Variants in NECTIN4 observed in about 807,000 individuals in gnomAD.
NECTIN4 encodes nectin-4.
A neutral mutation model predicts 51.7 loss-of-function variants in NECTIN4; 19 were observed. The observed-to-expected ratio is 0.37, with a 90% confidence interval of 0.26 to 0.54. The LOEUF is 0.54. NECTIN4 is among the 20% of genes least tolerant of loss of function. The pLI is 0.86. For synonymous variants in NECTIN4, 283 were observed against 286.9 expected, an observed-to-expected ratio of 0.99 and a Z score of 0.14; for missense variants, 619 against 662.4, an observed-to-expected ratio of 0.93 and a Z score of 0.72.
At chr1:161,077,414 A>G (rs1030733812) in intron 3 of NECTIN4, 39 bp downstream of exon 3, 4 of 1,611,258 alleles carry the variant, frequency 2.5e-6, no homozygotes, top group Non-Finnish European at 3.4e-6. Flanking sequence ...TCTGCTGAGA[A>G]CCCCTTGGGC....
intron 4 of NECTIN4, among the ~76,000 whole-genome samples, chr1:161,075,667 G>A (rs2101660270): frequency 6.6e-6 from 1 of 152,294 alleles, no homozygotes; most frequent in South Asian, 2.1e-4. Flanking sequence ...AGCTACTTGG[G>A]AGGCTGAGGC....
chr1:161,088,926 G>A (rs571316253), intron 1 of NECTIN4, among the ~76,000 whole-genome samples: 16 of 152,190 alleles, frequency 1.1e-4, no homozygotes, highest in East Asian at 9.7e-4. Flanking sequence ...GGGTCACCAC[G>A]TCTATTCCCC....
At chr1:161,078,481 T>G (rs1653518861) in intron 2 of NECTIN4, among the ~76,000 whole-genome samples, 1 of 151,820 alleles carries the variant, frequency 6.6e-6, no homozygotes, top group South Asian at 2.1e-4. Flanking sequence ...CTGATTTTTG[T>G]ATTTTTAGTA....
chr1:161,072,495 G>A lies in NECTIN4; in HGVS notation c.*166C>T. 1 of 675,878 alleles carries A rather than the reference G, an allele frequency of 1.5e-6. No homozygotes were observed. The highest frequency in any genetic ancestry group is 2.1e-5 in the Admixed American group (1 of 47,674). 41.9% of individuals were successfully genotyped at this position (675,878 alleles called of 1,614,324 possible). A position where few individuals can be genotyped will look rare whatever the true frequency, so the allele number is the denominator to read the frequency against. On this transcript the variant is annotated 3_prime_UTR_variant, in exon 9 of 9. Coordinates refer to ENST00000368012, the MANE Select transcript of NECTIN4 (RefSeq NM_030916.3). ...CATGGTGGGAGAGACTCAATTGGTG[G>A]AGCCCTCCCGATGAACAGAAGGGTT...
intron 8 of NECTIN4, 77 bp downstream of exon 8, chr1:161,073,148 G>A: frequency 7.7e-7 from 1 of 1,304,386 alleles, no homozygotes; most frequent in Non-Finnish European, 1.1e-6. Context: ...TAAGGGGGCT[G>A]CTGACGCACC....
chr1:161,083,267 C>T (rs1653780766), intron 1 of NECTIN4, among the ~76,000 whole-genome samples: 1 of 152,190 alleles, frequency 6.6e-6, no homozygotes. Flanking sequence ...CAGCTGCATA[C>T]CCCCCTACCA....
Position 161,077,511 on chromosome 1 carries a change from C to G in NECTIN4, c.672G>C (p.Val224=). The change falls in exon 3 of 9, where the codon GTG becomes GTC. Residue 224 remains valine, a synonymous_variant. Coordinates refer to ENST00000368012, the MANE Select transcript of NECTIN4 (RefSeq NM_030916.3). ...RSMNGQPLTC[V]VSHPGLLQDQ... Reference sequence around the variant, plus strand: ...CCTGGAGCAGGCCAGGATGGGACACCACACAAGTCAGTGGCTGCCCATTCA... The same window carrying G: ...CCTGGAGCAGGCCAGGATGGGACACGACACAAGTCAGTGGCTGCCCATTCA... 1 of 1,614,108 alleles carries G rather than the reference C, an allele frequency of 6.2e-7. No individual in the cohort carries two copies. Among genetic ancestry groups the G allele is most frequent in the Non-Finnish European group, 8.5e-7 (1 of 1,180,030 alleles).
intron 8 of NECTIN4, 30 bp from the exon 9 acceptor site, chr1:161,072,915 G>C: frequency 6.3e-7 from 1 of 1,588,370 alleles, no homozygotes; most frequent in Non-Finnish European, 8.6e-7. Flanking sequence ...GGCAAGTCAG[G>C]AACAAAGGCA....
At chr1:161,080,692 G>A (rs1038646186) in intron 1 of NECTIN4, among the ~76,000 whole-genome samples, 9 of 152,178 alleles carry the variant, frequency 5.9e-5, no homozygotes, top group South Asian at 2.1e-4. Flanking sequence ...CACAACAACC[G>A]GGTCAGAATT....
At position 161,089,259 on chromosome 1, in the gene NECTIN4, T is replaced by A. The variant is rs1345104139; in HGVS notation, c.38A>T (p.Glu13Val). The change falls in exon 1 of 9, where the codon GAG becomes GTG. Residue 13 changes from glutamate (E) to valine (V), a missense_variant. Around this residue, in one of 3 missense-constraint regions of NECTIN4, gnomAD observed 218 missense variants for 186.3 expected, o/e 1.17. Coordinates refer to ENST00000368012, the MANE Select transcript of NECTIN4 (RefSeq NM_030916.3). This position sits in a 1 kb window ranked among gnomAD's most constrained non-coding sequence, Gnocchi z 4.1. ...LSLGAEMWGPEAWLLLLLLLA... is the reference protein window; with the variant it reads ...LSLGAEMWGPVAWLLLLLLLA... ...CAGTAGCAGCAGCAGCAGCCAGGCC[T>A]CAGGCCCCCACATCTCGGCTCCCAG... The A allele has an allele frequency of 1.2e-6, 2 of 1,611,892 alleles. No individual in the cohort carries two copies.
intron 1 of NECTIN4, among the ~76,000 whole-genome samples, chr1:161,082,345 T>C (rs1653720326): frequency 6.6e-6 from 1 of 150,924 alleles, no homozygotes; most frequent in South Asian, 2.1e-4. Context: ...CCAAAAAAAA[T>C]GAGGAGGAAC....
chr1:161,078,709 G>C (rs1474796996), intron 2 of NECTIN4, among the ~76,000 whole-genome samples: 2 of 151,912 alleles, frequency 1.3e-5, no homozygotes, highest in Non-Finnish European at 2.9e-5. Flanking sequence ...AATATAAAGT[G>C]ATGGTTTAAA....
At chr1:161,081,721 T>A (rs543179608) in intron 1 of NECTIN4, among the ~76,000 whole-genome samples, 1 of 152,250 alleles carries the variant, frequency 6.6e-6, no homozygotes, top group Admixed American at 6.5e-5. Flanking sequence ...CTGCCTGGAA[T>A]GCCCTCCTCC....
In NECTIN4 at chr1:161,071,535, T is replaced by C. The variant is rs1034739613; in HGVS notation, c.*1126A>G. 6.6e-6 allele frequency: 1 copy of C among 152,178 alleles called. No homozygotes were observed. Among genetic ancestry groups the C allele is most frequent in the African/African-American group, 2.4e-5 (1 of 41,430 alleles). The allele number at this position is 152,178 out of a possible 1,614,324, so 9.4% of individuals were successfully genotyped here. ...GAGGCTCACATCCCTAATTTCAGAC[T>C]CTACCAGCTCTCAGGTGCCCTCCCA... On this transcript the variant is annotated 3_prime_UTR_variant, in exon 9 of 9. Transcript: ENST00000368012.
At chr1:161,086,417 G>A (rs1398997115) in intron 1 of NECTIN4, among the ~76,000 whole-genome samples, 1 of 152,190 alleles carries the variant, frequency 6.6e-6, no homozygotes, top group Admixed American at 6.5e-5. Context: ...GCCCCCCTCT[G>A]TAAACAGGAG....
Position 161,072,177 on chromosome 1 carries a change from T to C in NECTIN4, c.*484A>G. 1 of 246,636 alleles carries C rather than the reference T, an allele frequency of 4.1e-6. No individual in the cohort carries two copies. Among genetic ancestry groups the C allele is most frequent in the Non-Finnish European group, 8.1e-6 (1 of 122,982 alleles). 15.3% of individuals were successfully genotyped at this position (246,636 alleles called of 1,614,324 possible). A position where few individuals can be genotyped will look rare whatever the true frequency, so the allele number is the denominator to read the frequency against. Reference sequence around the variant, plus strand: ...CTGGGTCTGAGCCACAGTCTCCACCTCTCTCCTCCAACCTCTGCATCATTA... The same window carrying C: ...CTGGGTCTGAGCCACAGTCTCCACCCCTCTCCTCCAACCTCTGCATCATTA... On this transcript the variant is annotated 3_prime_UTR_variant, in exon 9 of 9. Transcript: ENST00000368012.
rs1448588295 is a variant in NECTIN4 at position 161,072,898 on chromosome 1, G to A, written c.1309-13C>T. On this transcript the variant is annotated splice_polypyrimidine_tract_variant and intron_variant, in intron 8 of 8. Coordinates refer to ENST00000368012, the MANE Select transcript of NECTIN4 (RefSeq NM_030916.3). ...CGGGCTCTTCACTCTGGAGACCAAG[G>A]GCAAAGGGCAAGTCAGGAACAAAGG... 6.2e-7 allele frequency: 1 copy of A among 1,604,060 alleles called. No homozygotes were observed.
At position 161,074,246 on chromosome 1, in the gene NECTIN4, C is replaced by T; in HGVS notation, c.1128G>A (p.Arg376=). Residue 376 remains arginine, a synonymous_variant, in exon 6 of 9, where the codon CGG becomes CGA. Coordinates refer to ENST00000368012, the MANE Select transcript of NECTIN4 (RefSeq NM_030916.3). ...VVVVLMSRYH[R]RKAQQMTQKY... ...TCTGGGTCATCTGCTGGGCCTTGCGCCGATGGTATCGGGACATGAGCACCA... is the reference window on the plus strand; with the variant it reads ...TCTGGGTCATCTGCTGGGCCTTGCGTCGATGGTATCGGGACATGAGCACCA... 2 of 1,614,120 alleles carry T rather than the reference C, an allele frequency of 1.2e-6. No individual in the cohort carries two copies. The highest frequency in any genetic ancestry group is 1.7e-6 in the Non-Finnish European group (2 of 1,180,016).
At chr1:161,076,239 C>A (rs1653407993) in intron 4 of NECTIN4, 116 bp downstream of exon 4, 3 of 1,160,742 alleles carry the variant, frequency 2.6e-6, no homozygotes, top group Admixed American at 2.1e-5. Flanking sequence ...TGAACACATA[C>A]CCCAATTTAT....
Sources: allele counts gnomAD v4.1 joint callset (sites outside exome capture counted in the v4.1 genomes callset), GRCh38; gene constraint gnomAD v4.1.1; regional missense constraint gnomAD v4.1.1; non-coding constraint Gnocchi (gnomAD v3.1); transcripts MANE v1.5; gene names NCBI Gene and HGNC (gene_info 2026-07-23, HGNC 2026-07-21).